The following SCN3A variants were observed in gnomAD, a reference collection of about 807,000 sequenced individuals.
SCN3A encodes the protein sodium channel protein type 3 subunit alpha.
A neutral mutation model predicts 187.6 loss-of-function variants in SCN3A; 60 were observed. The ratio of observed to expected loss-of-function variants is 0.32; its 90% confidence interval spans 0.26 to 0.40. The LOEUF is 0.40. Among genes scored for constraint, SCN3A ranks in the 10% least tolerant of loss-of-function variants. SCN3A has a pLI of 1.00. For synonymous variants in SCN3A, 788 were observed against 829.2 expected, an observed-to-expected ratio of 0.95 and a Z score of 0.85; for missense variants, 1,601 against 2,428.2, an observed-to-expected ratio of 0.66 and a Z score of 7.16.
At chr2:165,095,404 T>A in intron 25 of SCN3A, 107 bp downstream of exon 25, 1 of 1,189,900 alleles carries the variant, frequency 8.4e-7, no homozygotes, top group Non-Finnish European at 1.2e-6. Context: ...CTGAAAATAA[T>A]ATAAACATGA....
chr2:165,154,617 G>A lies in SCN3A; in HGVS notation c.1215C>T (p.Val405=), dbSNP rs764796283. Residue 405 remains valine (V), a synonymous_variant, in exon 11 of 28, where the codon GTC becomes GTT. Coordinates refer to ENST00000283254, the MANE Select transcript of SCN3A (RefSeq NM_006922.4). ...AAAATGAGCCCAAGAAAATGACCAG[G>A]ACAAAAAATATCATGTATGTTTTCC... ...AAGKTYMIFF[V]LVIFLGSFYL... 8 of 1,613,920 alleles carry A rather than the reference G, an allele frequency of 5.0e-6. No individual in the cohort carries two copies. The East Asian group carries it at 1.6e-4, about 31-fold the overall frequency.
Position 165,176,188 on chromosome 2 carries a change from A to T in SCN3A, c.207T>A (p.Pro69=), listed in dbSNP as rs754282083. ...KNLPFIYGDI[P]PEMVSEPLED... is the part of the protein sequence containing the mutation. ...CCAGGGGCTCTGACACCATCTCTGGAGGAATGTCTCCATAAATAAATGGAA... is the reference window on the plus strand; with the variant it reads ...CCAGGGGCTCTGACACCATCTCTGGTGGAATGTCTCCATAAATAAATGGAA... Residue 69 remains proline (P), a synonymous_variant, in exon 3 of 28, where the codon CCT becomes CCA. Coordinates refer to ENST00000283254, the MANE Select transcript of SCN3A (RefSeq NM_006922.4). 120 of 1,613,970 alleles carry T rather than the reference A, an allele frequency of 7.4e-5. No homozygotes were observed. The highest frequency in any genetic ancestry group is 2.3e-5 in the Non-Finnish European group (27 of 1,179,968).
At position 165,170,450 on chromosome 2, in the gene SCN3A, A is replaced by G. The variant is rs145171998; in HGVS notation, c.363T>C (p.Ala121=). 254 of 1,605,088 alleles carry G rather than the reference A, an allele frequency of 1.6e-4. 2 individuals carry two copies. The Admixed American group carries it at 4.1e-3, about 26-fold the overall frequency. Residue 121 remains alanine, a synonymous_variant, in exon 4 of 28, where the codon GCT becomes GCC. Coordinates refer to ENST00000283254, the MANE Select transcript of SCN3A (RefSeq NM_006922.4). ...GATATGAATGTACCAAAATCTTGAT[A>G]GCAATTTTCCTAACAGGGTTTAGTG... The part of the protein sequence containing the change: ...LTPLNPVRKI[A]IKILVHSLFS...
rs945300233 is a variant in SCN3A, at chr2:165,166,164, A to G, written c.474-1644T>C. 3.9e-5 allele frequency among the ~76,000 whole-genome samples: 6 copies of G among 152,198 alleles called. No individual in the cohort carries two copies. The East Asian group carries it at 1.2e-3, about 29-fold the overall frequency. ...CTATAGAGTTACTAGGAATAAGATT[A>G]AAGTCCCTACTTTTGTTCTTGATTT... On this transcript the variant is annotated intron_variant, in intron 5 of 27. Transcript: ENST00000283254.
intron 12 of SCN3A, 106 bp from the exon 13 acceptor site, chr2:165,141,104 A>G (rs985868304): frequency 2.8e-6 from 2 of 708,212 alleles, no homozygotes; most frequent in Non-Finnish European, 4.6e-6. Flanking sequence ...GAGTTAGTAT[A>G]CTCTTGCTCT....
At chr2:165,124,308 T>A (rs370090588) in intron 18 of SCN3A, among the ~76,000 whole-genome samples, 1 of 152,120 alleles carries the variant, frequency 6.6e-6, no homozygotes, top group East Asian at 1.9e-4. Flanking sequence ...ATATCGGTGG[T>A]CATTATGAAA....
chr2:165,134,724 G>A (rs1687563576), intron 15 of SCN3A, among the ~76,000 whole-genome samples: 2 of 151,590 alleles, frequency 1.3e-5, no homozygotes, highest in African/African-American at 4.8e-5. Context: ...AAAATAAGTT[G>A]TAACTATACA....
chr2:165,120,338 C>T (rs1559199810), intron 18 of SCN3A, among the ~76,000 whole-genome samples: 2 of 151,816 alleles, frequency 1.3e-5, no homozygotes, highest in East Asian at 1.9e-4. Flanking sequence ...GACCATTCCC[C>T]GCCGCCCAAT....
Position 165,090,600 on chromosome 2 carries a change from A to G in SCN3A, c.5553T>C (p.Asp1851=), listed in dbSNP as rs924718411. 1 of 1,614,098 alleles carries G rather than the reference A, an allele frequency of 6.2e-7. No individual in the cohort carries two copies. The highest frequency in any genetic ancestry group is 8.5e-7 in the Non-Finnish European group (1 of 1,179,998). Residue 1851 remains aspartate, a synonymous_variant, in exon 28 of 28, where the codon GAT becomes GAC. Coordinates refer to ENST00000283254, the MANE Select transcript of SCN3A (RefSeq NM_006922.4). The surrounding 1 kb of genome is among the most constrained non-coding windows in gnomAD (Gnocchi z 4.0). ...MVSGDRIHCL[D]ILFAFTKRVL... ...CACGCTTTGTAAAGGCAAATAAAATATCAAGACAGTGGATCCGGTCACCAC... is the reference window on the plus strand; with the variant it reads ...CACGCTTTGTAAAGGCAAATAAAATGTCAAGACAGTGGATCCGGTCACCAC...
At chr2:165,150,156 G>A (rs1319708467) in intron 11 of SCN3A, among the ~76,000 whole-genome samples, 1 of 152,186 alleles carries the variant, frequency 6.6e-6, no homozygotes, top group Non-Finnish European at 1.5e-5. Flanking sequence ...CAATTAGAAT[G>A]ATCTAGGACA....
At chr2:165,122,142 T>C (rs975462494) in intron 18 of SCN3A, among the ~76,000 whole-genome samples, 1 of 151,978 alleles carries the variant, frequency 6.6e-6, no homozygotes, top group Non-Finnish European at 1.5e-5. Context: ...ATCCAAGATA[T>C]GTGTTGCCCA....
At chr2:165,103,331 G>A (rs1685695541) in intron 21 of SCN3A, among the ~76,000 whole-genome samples, 1 of 152,094 alleles carries the variant, frequency 6.6e-6, no homozygotes, top group African/African-American at 2.4e-5. Flanking sequence ...GATGGCCACA[G>A]GTAAACATAT....
At chr2:165,110,249 C>A (rs764595875) in intron 21 of SCN3A, among the ~76,000 whole-genome samples, 104 of 152,270 alleles carry the variant, frequency 6.8e-4, no homozygotes, top group Non-Finnish European at 1.3e-3. Flanking sequence ...CTGTTTTGTT[C>A]ATTTCTCCTT....
rs1687305832 is a variant in SCN3A at position 165,131,389 on chromosome 2, A to G, written c.2420T>C (p.Met807Thr). ...LVFTGIFTAE[M>T]VLKIIAMDPY... Reference sequence around the variant, plus strand: ...ATCCATGGCAATGATCTTGAGAACCATTTCTGCTGTGAAAATCCCAGTAAA... The same window carrying G: ...ATCCATGGCAATGATCTTGAGAACCGTTTCTGCTGTGAAAATCCCAGTAAA... Residue 807 changes from methionine to threonine, a missense_variant, in exon 16 of 28, where the codon ATG becomes ACG. Transcript: ENST00000283254. The G allele has an allele frequency of 1.2e-6, 2 of 1,605,112 alleles. No individual in the cohort carries two copies. Among genetic ancestry groups the G allele is most frequent in the Admixed American group, 1.7e-5 (1 of 59,334 alleles).
intron 4 of SCN3A, among the ~76,000 whole-genome samples, chr2:165,170,066 G>A (rs145211421): frequency 1.7e-4 from 26 of 151,904 alleles, no homozygotes; most frequent in African/African-American, 2.4e-4. Context: ...CAATTAAGGC[G>A]TAAAAGTTTG....
chr2:165,169,571 G>A (rs112671161), intron 4 of SCN3A, among the ~76,000 whole-genome samples: 2,494 of 151,514 alleles, frequency 0.016, 65 homozygotes, highest in African/African-American at 0.057. Flanking sequence ...ATTATTTTGA[G>A]ATAAATATTT....
intron 21 of SCN3A, among the ~76,000 whole-genome samples, chr2:165,108,645 G>A (rs1320024060): frequency 3.3e-5 from 5 of 152,048 alleles, no homozygotes; most frequent in Non-Finnish European, 7.4e-5. Context: ...AATTGATAAG[G>A]ACCTCAAGAA....
In SCN3A at chr2:165,203,964, C is replaced by A. The variant is rs1254509508; in HGVS notation, c.-389G>T. On this transcript the variant is annotated 5_prime_UTR_variant, in exon 1 of 28. Coordinates refer to ENST00000283254, the MANE Select transcript of SCN3A (RefSeq NM_006922.4). ...ACCACAGAGGTTTACAAATTAGTTACAATTTTTTTTCTTTCTTTCTCTGTG... is the reference window on the plus strand; with the variant it reads ...ACCACAGAGGTTTACAAATTAGTTAAAATTTTTTTTCTTTCTTTCTCTGTG... 5 of 100,824 alleles carry A rather than the reference C, an allele frequency of 5.0e-5. No individual in the cohort carries two copies. Among genetic ancestry groups the A allele is most frequent in the South Asian group, 6.4e-4 (2 of 3,120 alleles). The allele number at this position is 100,824 out of a possible 1,614,324, so 6.2% of individuals were successfully genotyped here.
intron 2 of SCN3A, among the ~76,000 whole-genome samples, chr2:165,183,402 A>G (rs1032496864): frequency 7.2e-5 from 11 of 152,232 alleles, no homozygotes; most frequent in Admixed American, 1.3e-4. Context: ...AAATAACTAC[A>G]GAAAAATAGA....
Sources: allele counts gnomAD v4.1 joint callset (sites outside exome capture counted in the v4.1 genomes callset), GRCh38; gene constraint gnomAD v4.1.1; non-coding constraint Gnocchi (gnomAD v3.1); transcripts MANE v1.5; gene names NCBI Gene and HGNC (gene_info 2026-07-23, HGNC 2026-07-21).